TTC39B: variants seen among roughly 807,000 people sequenced by gnomAD.
TTC39B encodes tetratricopeptide repeat domain 39B.
In TTC39B, 92 loss-of-function variants were observed where a neutral mutation model predicts 96.6. The ratio of observed to expected loss-of-function variants is 0.95; its 90% CI spans 0.80 to 1.13. The LOEUF is 1.13. Ranked by LOEUF, TTC39B falls within the 50% of genes most tolerant of loss-of-function variation. The probability of loss-of-function intolerance (pLI) is 0.00; values close to 1 mark genes in which losing one functional copy is unlikely to be tolerated. For missense variants in TTC39B, 955 were observed against 809.3 expected, an observed-to-expected ratio of 1.18 and a Z score of -2.18; for synonymous variants, 367 against 299.4, an observed-to-expected ratio of 1.23 and a Z score of -2.33.
At chr9:15,194,794 C>A (rs771357941) in intron 8 of TTC39B, among the ~76,000 whole-genome samples, 4 of 152,120 alleles carry the variant, frequency 2.6e-5, no homozygotes, top group Non-Finnish European at 5.9e-5. Flanking sequence ...TGCCCTGAAC[C>A]ACACCCATAT....
At chr9:15,277,615 T>C (rs1823595092) in intron 1 of TTC39B, among the ~76,000 whole-genome samples, 1 of 152,104 alleles carries the variant, frequency 6.6e-6, no homozygotes, top group South Asian at 2.1e-4. Context: ...AGTGAGACCT[T>C]GGCCAACACA....
intron 1 of TTC39B, among the ~76,000 whole-genome samples, chr9:15,296,459 A>T (rs1296449774): frequency 1.3e-5 from 2 of 152,214 alleles, no homozygotes; most frequent in Admixed American, 6.5e-5. Context: ...TATTCCCCAA[A>T]TACAGAAGGG....
chr9:15,249,936 A>C, intron 2 of TTC39B: 1 of 1,281,552 alleles, frequency 7.8e-7, no homozygotes, highest in Non-Finnish European at 1.0e-6. Context: ...AGCAGCTGTA[A>C]CTTTGGAGGA....
chr9:15,256,392 G>A lies in TTC39B; in HGVS notation c.275+11522C>T, dbSNP rs187130693. Among the ~76,000 whole-genome samples the A allele has an allele frequency of 1.8e-4, 27 of 152,286 alleles. 1 individual carries two copies. In the East Asian group the frequency reaches 4.4e-3, roughly 25 times the overall value. On this transcript the variant is annotated intron_variant, in intron 2 of 19. Coordinates refer to ENST00000512701, the Ensembl canonical transcript of TTC39B. ...CAGTCTAATGGATTTTGTTACGGCA[G>A]CCCAAATGGACTAAGACAGTATATT...
chr9:15,224,266 G>T (rs935283120), intron 3 of TTC39B: 3 of 152,392 alleles, frequency 2.0e-5, no homozygotes, highest in African/African-American at 7.2e-5. Context: ...GAAATGCAAA[G>T]GATACTTTTC....
At chr9:15,264,388 A>G (rs1335677772) in intron 2 of TTC39B, among the ~76,000 whole-genome samples, 1 of 152,196 alleles carries the variant, frequency 6.6e-6, no homozygotes, top group East Asian at 1.9e-4. Flanking sequence ...GCAGTGGCTC[A>G]TGCCTGTAAT....
chr9:15,172,636 G>A (rs1180835638), intron 19 of TTC39B, among the ~76,000 whole-genome samples: 1 of 152,018 alleles, frequency 6.6e-6, no homozygotes, highest in African/African-American at 2.4e-5. Context: ...TAAGAATTAG[G>A]CCAATGTCTT....
intron 2 of TTC39B, among the ~76,000 whole-genome samples, chr9:15,242,170 G>A (rs1310517628): frequency 6.6e-6 from 1 of 152,108 alleles, no homozygotes; most frequent in South Asian, 2.1e-4. Context: ...CCACTGTGCT[G>A]GTTGATTAAA....
At chr9:15,288,742 T>C (rs901958033) in intron 1 of TTC39B, among the ~76,000 whole-genome samples, 1 of 152,214 alleles carries the variant, frequency 6.6e-6, no homozygotes, top group Non-Finnish European at 1.5e-5. Flanking sequence ...ACACAACACA[T>C]GCCACTTGGG....
intron 2 of TTC39B, among the ~76,000 whole-genome samples, chr9:15,260,321 T>C (rs1310544785): frequency 6.6e-6 from 1 of 151,224 alleles, no homozygotes; most frequent in Non-Finnish European, 1.5e-5. Flanking sequence ...GATAACAATA[T>C]GAATGGCATC....
intron 4 of TTC39B, 46 bp downstream of exon 4, chr9:15,214,093 G>A (rs1232423324): frequency 1.4e-6 from 2 of 1,400,370 alleles, no homozygotes; most frequent in Non-Finnish European, 1.0e-6. Context: ...AGAATCATCA[G>A]AAACATCTGA....
chr9:15,246,920 A>C (rs1013271943), intron 2 of TTC39B, among the ~76,000 whole-genome samples: 2 of 152,276 alleles, frequency 1.3e-5, no homozygotes, highest in African/African-American at 4.8e-5. Flanking sequence ...TTTTAAGTCT[A>C]CTAAGCTCTG....
At chr9:15,286,643 T>C (rs981690415) in intron 1 of TTC39B, among the ~76,000 whole-genome samples, 2 of 152,202 alleles carry the variant, frequency 1.3e-5, no homozygotes, top group Admixed American at 6.5e-5. Context: ...AAAGTACCCC[T>C]AGATTTAGCA....
chr9:15,214,392 G>C, intron 3 of TTC39B, 143 bp from the exon 4 acceptor site: 1 of 625,122 alleles, frequency 1.6e-6, no homozygotes, highest in East Asian at 2.9e-5. Context: ...GGATTCTGGA[G>C]ACAGGACAGG....
At chr9:15,295,962 C>T (rs1824359975) in intron 1 of TTC39B, among the ~76,000 whole-genome samples, 1 of 152,318 alleles carries the variant, frequency 6.6e-6, no homozygotes, top group African/African-American at 2.4e-5. Flanking sequence ...GACTCTCCCT[C>T]TCTGTCCTCA....
chr9:15,303,206 T>C (rs1257889150), intron 1 of TTC39B, among the ~76,000 whole-genome samples: 2 of 152,164 alleles, frequency 1.3e-5, no homozygotes, highest in African/African-American at 2.4e-5. Flanking sequence ...TATAACTGTA[T>C]TTGCTGAGTG....
At chr9:15,181,248 C>G (rs918870724) in intron 17 of TTC39B, among the ~76,000 whole-genome samples, 6 of 152,168 alleles carry the variant, frequency 3.9e-5, no homozygotes, top group Admixed American at 3.9e-4. Context: ...TCCTGAATTT[C>G]TATGCCCTTT....
chr9:15,270,515 G>A (rs192358203), intron 1 of TTC39B, among the ~76,000 whole-genome samples: 104 of 151,564 alleles, frequency 6.9e-4, no homozygotes, highest in African/African-American at 2.3e-3. Context: ...CTGAGTGAGC[G>A]ACGCAAAGGA....
chr9:15,299,813 C>G (rs149377311), intron 1 of TTC39B, among the ~76,000 whole-genome samples: 1 of 152,162 alleles, frequency 6.6e-6, no homozygotes, highest in Non-Finnish European at 1.5e-5. Flanking sequence ...CACCCATGGG[C>G]AGGAAACTGA....
Sources: allele counts gnomAD v4.1 joint callset (sites outside exome capture counted in the v4.1 genomes callset), GRCh38; gene constraint gnomAD v4.1.1; transcripts MANE v1.5; gene names NCBI Gene and HGNC (gene_info 2026-07-23, HGNC 2026-07-21).